COL24A1: variants seen among roughly 807,000 people sequenced by gnomAD.
COL24A1 encodes collagen type XXIV alpha 1 chain, also known as collagen alpha-1(XXIV) chain.
Under a neutral mutation model 253.9 loss-of-function variants are expected in COL24A1, and 224 were observed. The observed-to-expected ratio is 0.88, with a 90% CI of 0.79 to 0.99. The LOEUF is 0.99. COL24A1 is among the 50% of genes least tolerant of loss of function. The pLI is 0.00. For missense variants in COL24A1, 2,131 were observed against 2,068.5 expected, an observed-to-expected ratio of 1.03 and a Z score of -0.59; for synonymous variants, 685 against 673.7, an observed-to-expected ratio of 1.02 and a Z score of -0.26.
At chr1:86,136,869 G>T (rs72716185) in intron 2 of COL24A1, among the ~76,000 whole-genome samples, 9,366 of 152,180 alleles carry the variant, frequency 0.062, 368 homozygotes, top group East Asian at 0.14. Flanking sequence ...CTAATTTTAA[G>T]CTTTCTTACC....
rs552410857 is a variant in COL24A1, at chr1:85,833,284, C to A, written c.3681+5301G>T. ...AAGCAAATTTACAAGAAAAAAACAA[C>A]CCCATCAACAAGTGGGTGAAGGATA... is the stretch of plus-strand genomic sequence containing the variant. On this transcript the variant is annotated intron_variant, in intron 43 of 59. Coordinates refer to ENST00000370571, the MANE Select transcript of COL24A1 (RefSeq NM_152890.7). 4.9e-3 allele frequency among the ~76,000 whole-genome samples: 751 copies of A among 152,226 alleles called. 7 individuals are homozygous for A. The highest frequency in any genetic ancestry group is 0.016 in the African/African-American group (669 of 41,544).
chr1:85,780,748 T>C (rs1669057861), intron 52 of COL24A1, among the ~76,000 whole-genome samples: 1 of 152,224 alleles, frequency 6.6e-6, no homozygotes, highest in African/African-American at 2.4e-5. Context: ...CACTGTAACC[T>C]GTACTGTATC....
chr1:86,084,926 A>T (rs1023007935), intron 7 of COL24A1, among the ~76,000 whole-genome samples: 1 of 152,174 alleles, frequency 6.6e-6, no homozygotes, highest in African/African-American at 2.4e-5. Flanking sequence ...TATTAGACTC[A>T]GTACTGCACT....
chr1:85,863,738 A>C (rs1679442625), intron 37 of COL24A1, among the ~76,000 whole-genome samples: 2 of 152,082 alleles, frequency 1.3e-5, no homozygotes, highest in Admixed American at 1.3e-4. Context: ...ACAAGTGGGC[A>C]AAGTGAACAG....
At chr1:85,950,180 CG>C (rs1689750271) in intron 24 of COL24A1, among the ~76,000 whole-genome samples, 1 of 150,412 alleles carries the variant, frequency 6.6e-6, no homozygotes, top group Admixed American at 6.6e-5. Context: ...TTGTCTCTCA[CG>C]AACACATAAA....
rs530501244 is a variant in COL24A1 at position 85,909,226 on chromosome 1, G to A, written c.2671-575C>T. Among the ~76,000 whole-genome samples the A allele has an allele frequency of 2.6e-5, 4 of 151,800 alleles. No individual in the cohort carries two copies. In the East Asian group the frequency reaches 5.8e-4, roughly 22 times the overall value. On this transcript the variant is annotated intron_variant, in intron 26 of 59. Coordinates refer to ENST00000370571, the MANE Select transcript of COL24A1 (RefSeq NM_152890.7). Reference sequence around the variant, plus strand: ...TCCTAGCTGACAGCAACTGGAAATTGCATAGCTTAAAAAACAAAACAAAAC... The same window carrying A: ...TCCTAGCTGACAGCAACTGGAAATTACATAGCTTAAAAAACAAAACAAAAC...
intron 2 of COL24A1, among the ~76,000 whole-genome samples, chr1:86,133,655 T>C (rs1409673140): frequency 6.6e-6 from 1 of 152,222 alleles, no homozygotes; most frequent in Non-Finnish European, 1.5e-5. Flanking sequence ...ATTACGTTTA[T>C]TGATTTGTGT....
At chr1:85,996,185 G>T (rs1162470085) in intron 19 of COL24A1, among the ~76,000 whole-genome samples, 1 of 152,098 alleles carries the variant, frequency 6.6e-6, no homozygotes, top group Non-Finnish European at 1.5e-5. Context: ...GCAACAGTTG[G>T]TAATAATTCG....
At chr1:86,029,483 C>T (rs1275944458) in intron 14 of COL24A1, among the ~76,000 whole-genome samples, 1 of 152,170 alleles carries the variant, frequency 6.6e-6, no homozygotes, top group Non-Finnish European at 1.5e-5. Flanking sequence ...TTCAGACTCA[C>T]ACAGGTTCTT....
chr1:85,948,542 A>G (rs1289372669), intron 24 of COL24A1, among the ~76,000 whole-genome samples: 1 of 150,026 alleles, frequency 6.7e-6, no homozygotes, highest in African/African-American at 2.4e-5. Context: ...AAAAAAAAAA[A>G]AAAAAGAAAC....
chr1:85,869,894 C>A (rs1231184956), intron 35 of COL24A1, among the ~76,000 whole-genome samples: 3 of 152,152 alleles, frequency 2.0e-5, no homozygotes, highest in Admixed American at 6.6e-5. Context: ...CTAAAAGACA[C>A]AGACTGGCAA....
chr1:86,116,734 T>C (rs561860904), intron 3 of COL24A1, among the ~76,000 whole-genome samples: 71 of 152,334 alleles, frequency 4.7e-4, no homozygotes, highest in African/African-American at 1.5e-3. Flanking sequence ...ATTCATTAGA[T>C]ATTTCAGACT....
At chr1:86,058,933 A>G (rs899525211) in intron 9 of COL24A1, among the ~76,000 whole-genome samples, 188 bp downstream of exon 9, 2 of 152,162 alleles carry the variant, frequency 1.3e-5, no homozygotes, top group African/African-American at 4.8e-5. Flanking sequence ...TCCCCCTTCC[A>G]ATTTTAAATA....
intron 8 of COL24A1, among the ~76,000 whole-genome samples, chr1:86,061,552 C>T (rs2101765812): frequency 6.6e-6 from 1 of 152,156 alleles, no homozygotes; most frequent in Non-Finnish European, 1.5e-5. Context: ...ATCTAGCTAA[C>T]ACATTTTAGC....
At position 85,823,587 on chromosome 1, in the gene COL24A1, G is replaced by C. The variant is rs143522499; in HGVS notation, c.3738C>G (p.Gly1246=). Reference sequence around the variant, plus strand: ...CTTGTTCACCCTGGTCACCTGGTTCGCCCTTTAGTAGAAACCAAAATAAAA... The same window carrying C: ...CTTGTTCACCCTGGTCACCTGGTTCCCCCTTTAGTAGAAACCAAAATAAAA... ...RGATGQQGPP[G]EPGDQGEQGL... Residue 1246 remains glycine, a splice_region_variant and synonymous_variant, in exon 45 of 60, where the codon GGC becomes GGG. Coordinates refer to ENST00000370571, the MANE Select transcript of COL24A1 (RefSeq NM_152890.7). 104 of 1,613,750 alleles carry C rather than the reference G, an allele frequency of 6.4e-5. No homozygotes were observed. The African/African-American group carries it at 1.0e-3, about 16-fold the overall frequency.
At chr1:85,837,885 A>C (rs775275321) in intron 43 of COL24A1, among the ~76,000 whole-genome samples, 6 of 152,154 alleles carry the variant, frequency 3.9e-5, no homozygotes, top group Non-Finnish European at 8.8e-5. Flanking sequence ...AACTCTGTAA[A>C]GCAATTGGCA....
intron 19 of COL24A1, among the ~76,000 whole-genome samples, chr1:86,001,098 A>G (rs1695359118): frequency 6.6e-6 from 1 of 152,108 alleles, no homozygotes; most frequent in South Asian, 2.1e-4. Flanking sequence ...AACACCTCTA[A>G]TATTTACAAT....
chr1:86,115,467 C>A, intron 3 of COL24A1, 89 bp from the exon 4 acceptor site: 2 of 1,285,782 alleles, frequency 1.6e-6, no homozygotes, highest in Non-Finnish European at 2.2e-6. Flanking sequence ...CCAAAGACAA[C>A]TCTTTTTCAG....
chr1:86,141,918 C>T (rs921780043), intron 2 of COL24A1, among the ~76,000 whole-genome samples: 1 of 151,738 alleles, frequency 6.6e-6, no homozygotes, highest in Non-Finnish European at 1.5e-5. Flanking sequence ...TGGCCAGGCT[C>T]GAACTCCTGA....
Sources: gnomAD v4.1 joint callset for allele counts (sites outside exome capture counted in the v4.1 genomes callset) on GRCh38, gnomAD v4.1.1 for gene constraint, MANE v1.5 for transcripts, NCBI Gene and HGNC (gene_info 2026-07-23, HGNC 2026-07-21) for gene names.